Variants in GRIK1 observed in about 807,000 individuals in gnomAD.
The protein encoded by GRIK1 is glutamate receptor ionotropic, kainate 1.
GRIK1 carries 69 observed loss-of-function variants against 105.7 expected under a neutral mutation model. The ratio of observed to expected loss-of-function variants is 0.65; its 90% CI spans 0.54 to 0.80. The LOEUF (loss-of-function observed/expected upper bound fraction) is 0.80, where lower values mean the gene tolerates loss of function less well. Ranked by LOEUF, GRIK1 falls within the 30% of genes least tolerant of loss-of-function variation. GRIK1 has a pLI of 0.00. For missense variants in GRIK1, 1,109 were observed against 1,167.3 expected, an observed-to-expected ratio of 0.95 and a Z score of 0.73; for synonymous variants, 438 against 431.3, an observed-to-expected ratio of 1.02 and a Z score of -0.19.
At chr21:29,655,563 G>A (rs770134498) in intron 4 of GRIK1, among the ~76,000 whole-genome samples, 2 of 152,098 alleles carry the variant, frequency 1.3e-5, no homozygotes, top group Non-Finnish European at 2.9e-5. Context: ...TTAGCATAAT[G>A]CCACCCTCAT....
At chr21:29,555,881 T>C (rs531691198) in intron 15 of GRIK1, among the ~76,000 whole-genome samples, 1 of 152,306 alleles carries the variant, frequency 6.6e-6, no homozygotes, top group East Asian at 1.9e-4. Flanking sequence ...AAGGCTTTTC[T>C]TTTTCTCAAG....
At chr21:29,829,248 C>T (rs1159451776) in intron 1 of GRIK1, among the ~76,000 whole-genome samples, 1 of 152,160 alleles carries the variant, frequency 6.6e-6, no homozygotes, top group East Asian at 1.9e-4. Context: ...ATATTCATCA[C>T]TTTTAAAAGG....
intron 1 of GRIK1, among the ~76,000 whole-genome samples, chr21:29,856,998 AG>A (rs1244846197): frequency 6.6e-6 from 1 of 152,200 alleles, no homozygotes; most frequent in Non-Finnish European, 1.5e-5. Flanking sequence ...AAGAGAGCTA[AG>A]GTGGGGGACA....
At chr21:29,766,416 C>T (rs2065670158) in intron 1 of GRIK1, among the ~76,000 whole-genome samples, 1 of 152,070 alleles carries the variant, frequency 6.6e-6, no homozygotes, top group Non-Finnish European at 1.5e-5. Context: ...GGGCAGCCCC[C>T]CACAATGAAG....
At chr21:29,844,686 C>T (rs1011470119) in intron 1 of GRIK1, among the ~76,000 whole-genome samples, 2 of 152,110 alleles carry the variant, frequency 1.3e-5, no homozygotes, top group Non-Finnish European at 2.9e-5. Flanking sequence ...CATTCAATAC[C>T]CTCACATATA....
At chr21:29,767,929 A>G (rs1278297128) in intron 1 of GRIK1, among the ~76,000 whole-genome samples, 2 of 151,874 alleles carry the variant, frequency 1.3e-5, no homozygotes, top group Non-Finnish European at 1.5e-5. Flanking sequence ...TGGAAAGACA[A>G]TAAGAGACAG....
intron 1 of GRIK1, among the ~76,000 whole-genome samples, chr21:29,901,090 T>A (rs1023508658): frequency 6.6e-6 from 1 of 152,070 alleles, no homozygotes; most frequent in Non-Finnish European, 1.5e-5. Context: ...TTGAAACCAA[T>A]GAGAACAAAG....
chr21:29,642,964 T>C lies in GRIK1; in HGVS notation c.960A>G (p.Glu320=). ...ACACAGCATCGTACATCAGAGCCGC[T>C]TCAGTCTGTGGAGGAAAACACACAC... ...TGLLDGMMTT[E]AALMYDAVYM... The change falls in exon 7 of 18, where the codon GAA becomes GAG. Residue 320 remains glutamate (E), a synonymous_variant. Coordinates refer to ENST00000327783, the MANE Select transcript of GRIK1 (RefSeq NM_001330994.2). 2.5e-6 allele frequency: 4 copies of C among 1,613,520 alleles called. No individual in the cohort carries two copies. Among genetic ancestry groups the C allele is most frequent in the Non-Finnish European group, 3.4e-6 (4 of 1,179,752 alleles).
chr21:29,762,281 A>G (rs1299999388), intron 1 of GRIK1, among the ~76,000 whole-genome samples: 1 of 152,240 alleles, frequency 6.6e-6, no homozygotes, highest in Non-Finnish European at 1.5e-5. Flanking sequence ...GTAAGGTGCC[A>G]TTATGAATAA....
chr21:29,683,187 T>TA (rs1346588867), intron 3 of GRIK1, among the ~76,000 whole-genome samples: 1 of 152,210 alleles, frequency 6.6e-6, no homozygotes, highest in African/African-American at 2.4e-5. Context: ...GGTGGGAGTT[T>TA]AAATTAGTTC....
At chr21:29,702,836 A>G (rs1601490655) in intron 1 of GRIK1, among the ~76,000 whole-genome samples, 1 of 151,702 alleles carries the variant, frequency 6.6e-6, no homozygotes, top group African/African-American at 2.4e-5. Context: ...CAGAGCCTTC[A>G]GAGAAAATAA....
chr21:29,843,633 T>C (rs1380748763), intron 1 of GRIK1, among the ~76,000 whole-genome samples: 1 of 152,222 alleles, frequency 6.6e-6, no homozygotes, highest in African/African-American at 2.4e-5. Context: ...TTGGTTTCTG[T>C]TGAAAGCTTC....
chr21:29,866,398 A>AT lies in GRIK1; in HGVS notation c.118+72984dup, dbSNP rs111848641. On this transcript the variant is annotated intron_variant, in intron 1 of 17. Transcript: ENST00000327783. Reference sequence around the variant, plus strand: ...TGTTTAATTGTTTTTAATTGCTTTCATTTTTTTTTTAAAGGAAGCACATGA... The same window carrying AT: ...TGTTTAATTGTTTTTAATTGCTTTCATTTTTTTTTTTAAAGGAAGCACATGA... Among the ~76,000 whole-genome samples, 139 of 149,596 alleles carry AT rather than the reference A, an allele frequency of 9.3e-4. 1 individual carries two copies. Among genetic ancestry groups the AT allele is most frequent in the African/African-American group, 2.3e-3 (94 of 40,836 alleles).
At chr21:29,880,932 T>C (rs542870756) in intron 1 of GRIK1, among the ~76,000 whole-genome samples, 1 of 152,218 alleles carries the variant, frequency 6.6e-6, no homozygotes, top group African/African-American at 2.4e-5. Context: ...GAAGGCTAGG[T>C]GATAAGGTGA....
intron 1 of GRIK1, among the ~76,000 whole-genome samples, chr21:29,826,190 T>C (rs2067451100): frequency 6.6e-6 from 1 of 152,080 alleles, no homozygotes; most frequent in African/African-American, 2.4e-5. Flanking sequence ...GGAAGTCCAT[T>C]TGATCACGTT....
chr21:29,807,926 T>G (rs1001138601), intron 1 of GRIK1, among the ~76,000 whole-genome samples: 1 of 152,110 alleles, frequency 6.6e-6, no homozygotes, highest in Admixed American at 6.6e-5. Context: ...TGATATGCAC[T>G]GGTATACCTG....
chr21:29,642,324 T>C (rs2062527785), intron 7 of GRIK1, among the ~76,000 whole-genome samples: 1 of 152,238 alleles, frequency 6.6e-6, no homozygotes, highest in African/African-American at 2.4e-5. Flanking sequence ...CAGTAGGTTT[T>C]GAATGGGAAT....
At position 29,561,652 on chromosome 21, in the gene GRIK1, G is replaced by A; in HGVS notation, c.2328C>T (p.Ser776=). ...TAGGTGTTCCCACTCCGTAACCTTT[G>A]GAGTCAATGAGGCCCCCGATCTGAG... ...NLTQIGGLID[S]KGYGVGTPIG... The change falls in exon 15 of 18, where the codon TCC becomes TCT. Residue 776 remains serine (S), a synonymous_variant. Coordinates refer to ENST00000327783, the MANE Select transcript of GRIK1 (RefSeq NM_001330994.2). 1 of 1,612,870 alleles carries A rather than the reference G, an allele frequency of 6.2e-7. No individual in the cohort carries two copies. Among genetic ancestry groups the A allele is most frequent in the African/African-American group, 1.3e-5 (1 of 74,994 alleles).
In GRIK1 at chr21:29,637,457, G is replaced by C. The variant is rs111571726; in HGVS notation, c.1098+5369C>G. Among the ~76,000 whole-genome samples, 1,071 of 152,330 alleles carry C rather than the reference G, an allele frequency of 7.0e-3. 12 individuals carry two copies. The highest frequency in any genetic ancestry group is 0.024 in the African/African-American group (1,012 of 41,572). ...TGGTATTCTGGTAGCTCATGCTGTA[G>C]TTCAAATGTTTGTTTACCCCTAAAA... On this transcript the variant is annotated intron_variant, in intron 7 of 17. Coordinates refer to ENST00000327783, the MANE Select transcript of GRIK1 (RefSeq NM_001330994.2).
Sources: gnomAD v4.1 joint callset for allele counts (sites outside exome capture counted in the v4.1 genomes callset) on GRCh38, gnomAD v4.1.1 for gene constraint, MANE v1.5 for transcripts, NCBI Gene and HGNC (gene_info 2026-07-23, HGNC 2026-07-21) for gene names.